PRDM10: variants seen among roughly 807,000 people sequenced by gnomAD.
PRDM10 encodes PR/SET domain 10.
PRDM10 carries 65 observed loss-of-function variants against 133.1 expected under a neutral mutation model. The ratio of observed to expected loss-of-function variants is 0.49; its 90% CI spans 0.40 to 0.60. PRDM10 has a LOEUF of 0.60. Among genes scored for constraint, PRDM10 ranks in the 20% least tolerant of loss-of-function variants. The pLI is 0.00. For synonymous variants in PRDM10, 582 were observed against 580.4 expected, an observed-to-expected ratio of 1.00 and a Z score of -0.04; for missense variants, 1,137 against 1,507.1, an observed-to-expected ratio of 0.75 and a Z score of 4.07.
At chr11:129,971,158 A>G (rs986102206) in intron 1 of PRDM10, among the ~76,000 whole-genome samples, 1 of 152,152 alleles carries the variant, frequency 6.6e-6, no homozygotes, top group Non-Finnish European at 1.5e-5. Context: ...TGAGTGTTAC[A>G]GCTCTTAAAA....
rs139189234 is a variant in PRDM10, at chr11:129,912,147, C to T, written c.2920G>A (p.Ala974Thr). 2.4e-5 allele frequency: 39 copies of T among 1,612,418 alleles called. No individual in the cohort carries two copies. The highest frequency in any genetic ancestry group is 6.7e-5 in the African/African-American group (5 of 74,794). ...LHDPQPYPQH[A>T]IQVQHIQVSE... ...ACCTGGATGTGCTGCACCTGGATGG[C>T]GTGCTGGGGGTAGGGCTGAGGATCA... The change falls in exon 18 of 21, where the codon GCC (alanine) becomes ACC (threonine). Residue 974 changes from alanine to threonine, a missense_variant. Physicochemically the swap from Ala to Thr is moderately conservative, Grantham distance 58. Coordinates refer to ENST00000360871, the MANE Select transcript of PRDM10 (RefSeq NM_199437.2).
At position 129,918,754 on chromosome 11, in the gene PRDM10, C is replaced by T. The variant is rs367595674; in HGVS notation, c.2035-36G>A. On this transcript the variant is annotated intron_variant, in intron 13 of 20. Coordinates refer to ENST00000360871, the MANE Select transcript of PRDM10 (RefSeq NM_199437.2). This position sits in a 1 kb window ranked among gnomAD's most constrained non-coding sequence, Gnocchi z 5.3. ...AGTATTTTTGAAAACGGGGTAGACACGGGGGTAGAAAATTTTTAACTGAAG... is the reference window on the plus strand; with the variant it reads ...AGTATTTTTGAAAACGGGGTAGACATGGGGGTAGAAAATTTTTAACTGAAG... The T allele has an allele frequency of 5.2e-5, 81 of 1,546,608 alleles. No homozygotes were observed. The highest frequency in any genetic ancestry group is 6.4e-5 in the Non-Finnish European group (73 of 1,138,916).
chr11:129,959,449 C>T (rs1025319005), intron 2 of PRDM10, among the ~76,000 whole-genome samples: 1 of 152,144 alleles, frequency 6.6e-6, no homozygotes, highest in Admixed American at 6.5e-5. Flanking sequence ...GCTATCCAAG[C>T]TTTTCTGCTT....
intron 19 of PRDM10, among the ~76,000 whole-genome samples, chr11:129,907,510 T>A (rs1347512072): frequency 6.6e-6 from 1 of 152,078 alleles, no homozygotes; most frequent in East Asian, 1.9e-4. Flanking sequence ...ATTCAAGCGA[T>A]TCTCCTGCCT....
At chr11:129,965,541 A>C (rs778515956) in intron 1 of PRDM10, among the ~76,000 whole-genome samples, 23 of 152,136 alleles carry the variant, frequency 1.5e-4, no homozygotes, top group Admixed American at 2.0e-4. Flanking sequence ...AGCCACAGCT[A>C]TACCTTGTCT....
intron 1 of PRDM10, among the ~76,000 whole-genome samples, chr11:129,988,003 A>G (rs1938523595): frequency 6.6e-6 from 1 of 152,244 alleles, no homozygotes; most frequent in Non-Finnish European, 1.5e-5. Context: ...TCCGTCAAAA[A>G]AACAAAAAAG....
rs527894945 is a variant in PRDM10 at position 129,942,693 on chromosome 11, A to G, written c.763-64T>C. The G allele has an allele frequency of 2.2e-4, 300 of 1,385,422 alleles. 2 individuals carry two copies. The South Asian group carries it at 2.6e-3, about 12-fold the overall frequency. 85.8% of individuals were successfully genotyped at this position (1,385,422 alleles called of 1,614,324 possible). A position where few individuals can be genotyped will look rare whatever the true frequency, so the allele number is the denominator to read the frequency against. ...CCTTCAATATGAGACACATTTTATA[A>G]TGTCACAATACGCAAAATATTGCTT... On this transcript the variant is annotated intron_variant, in intron 6 of 20. Coordinates refer to ENST00000360871, the MANE Select transcript of PRDM10 (RefSeq NM_199437.2).
intron 11 of PRDM10, chr11:129,929,382 T>C: frequency 1.3e-6 from 2 of 1,562,452 alleles, no homozygotes; most frequent in Admixed American, 1.9e-5. Context: ...TAACATTCTG[T>C]TATGTGAAAC....
chr11:129,951,123 A>G (rs527616318), intron 4 of PRDM10, among the ~76,000 whole-genome samples: 1 of 152,246 alleles, frequency 6.6e-6, no homozygotes, highest in Non-Finnish European at 1.5e-5. Context: ...ACTTCTAGAC[A>G]ACACAAACCT....
chr11:129,975,833 T>C (rs997821015), intron 1 of PRDM10, among the ~76,000 whole-genome samples: 1 of 152,194 alleles, frequency 6.6e-6, no homozygotes, highest in African/African-American at 2.4e-5. Context: ...CCTTCCAAGG[T>C]GCCTGGCACA....
chr11:129,994,372 G>A (rs1199230654), intron 1 of PRDM10, among the ~76,000 whole-genome samples: 1 of 151,618 alleles, frequency 6.6e-6, no homozygotes, highest in Non-Finnish European at 1.5e-5. Flanking sequence ...GGCTGGGGCA[G>A]GGAGAATTGC....
intron 1 of PRDM10, among the ~76,000 whole-genome samples, chr11:129,994,061 ATC>A (rs1247700085): frequency 6.6e-6 from 1 of 152,196 alleles, no homozygotes; most frequent in Admixed American, 6.5e-5. Flanking sequence ...AATTTTCTAT[ATC>A]TGTTATAGTT....
At chr11:129,932,347 T>C in intron 9 of PRDM10, 116 bp from the exon 10 acceptor site, 2 of 1,283,868 alleles carry the variant, frequency 1.6e-6, no homozygotes, top group Non-Finnish European at 2.1e-6. Flanking sequence ...CTTATTACTT[T>C]CCCAGATTTT....
chr11:129,970,953 G>T (rs1399892584), intron 1 of PRDM10, among the ~76,000 whole-genome samples: 1 of 152,114 alleles, frequency 6.6e-6, no homozygotes, highest in African/African-American at 2.4e-5. Flanking sequence ...GACTAAAATT[G>T]TGTCCGAAAT....
rs115073780 is a variant in PRDM10 at position 130,000,478 on chromosome 11, A to T, written c.-119+2244T>A. Among the ~76,000 whole-genome samples the T allele has an allele frequency of 6.7e-3, 1,022 of 152,346 alleles. 8 individuals are homozygous for T. The highest frequency in any genetic ancestry group is 0.022 in the African/African-American group (929 of 41,574). ...GTTGTGCTATCCTTTATACCTCCATAACCTCTAAGTAAAAACCATTCAGAG... is the reference window on the plus strand; with the variant it reads ...GTTGTGCTATCCTTTATACCTCCATTACCTCTAAGTAAAAACCATTCAGAG... On this transcript the variant is annotated intron_variant, in intron 1 of 20. Coordinates refer to ENST00000360871, the MANE Select transcript of PRDM10 (RefSeq NM_199437.2).
In PRDM10 at chr11:129,918,811, G is replaced by A. The variant is rs530007653; in HGVS notation, c.2035-93C>T. 3.0e-5 allele frequency: 38 copies of A among 1,258,400 alleles called. No homozygotes were observed. In the African/African-American group the frequency reaches 3.8e-4, roughly 12 times the overall value. The allele number at this position is 1,258,400 out of a possible 1,614,324, so 78.0% of individuals were successfully genotyped here. A position where few individuals can be genotyped will look rare whatever the true frequency, so the allele number is the denominator to read the frequency against. ...TTTTAAAAATCAATACAAATTAGCAGTCACCACAAGCCTCCAAGAGACATT... is the reference window on the plus strand; with the variant it reads ...TTTTAAAAATCAATACAAATTAGCAATCACCACAAGCCTCCAAGAGACATT... On this transcript the variant is annotated intron_variant, in intron 13 of 20. Coordinates refer to ENST00000360871, the MANE Select transcript of PRDM10 (RefSeq NM_199437.2). This position sits in a 1 kb window ranked among gnomAD's most constrained non-coding sequence, Gnocchi z 5.3.
chr11:129,937,038 T>G (rs1481363875), intron 8 of PRDM10, among the ~76,000 whole-genome samples: 1 of 152,262 alleles, frequency 6.6e-6, no homozygotes, highest in African/African-American at 2.4e-5. Context: ...CATATAATTC[T>G]ATTATGCACA....
intron 17 of PRDM10, 52 bp downstream of exon 17, chr11:129,914,652 C>A: frequency 1.3e-6 from 2 of 1,599,212 alleles, no homozygotes; most frequent in South Asian, 2.2e-5. Flanking sequence ...GAATGAGGTG[C>A]TAGTGGCAAC....
intron 6 of PRDM10, among the ~76,000 whole-genome samples, chr11:129,943,419 T>G (rs1260649334): frequency 6.6e-6 from 1 of 152,376 alleles, no homozygotes; most frequent in Non-Finnish European, 1.5e-5. Flanking sequence ...TAGGCTGAAC[T>G]GTGTCTTTCT....
Sources: allele counts gnomAD v4.1 joint callset (sites outside exome capture counted in the v4.1 genomes callset), GRCh38; gene constraint gnomAD v4.1.1; non-coding constraint Gnocchi (gnomAD v3.1); transcripts MANE v1.5; gene names NCBI Gene and HGNC (gene_info 2026-07-23, HGNC 2026-07-21).